WWOX: variants seen among roughly 807,000 people sequenced by gnomAD.
WWOX encodes WW domain containing oxidoreductase, also known as WW domain-containing oxidoreductase.
WWOX carries 69 observed loss-of-function variants against 46.2 expected under a neutral mutation model. The ratio of observed to expected loss-of-function variants is 1.49; its 90% CI spans 1.23 to 1.82. The LOEUF is 1.82. WWOX is among the 40% of genes most tolerant of loss of function. The pLI, the probability that WWOX is intolerant of heterozygous loss-of-function variation, is 0.00. For synonymous variants in WWOX, 359 were observed against 202.6 expected (o/e 1.77, Z -6.56); for missense variants, 919 against 542.6 (o/e 1.69, Z -6.89).
chr16:78,844,220 T>C (rs552872434), intron 8 of WWOX, among the ~76,000 whole-genome samples: 9 of 152,296 alleles, frequency 5.9e-5, no homozygotes, highest in African/African-American at 2.2e-4. Flanking sequence ...AGAGTTTAGT[T>C]GTGCTATTCT....
Position 78,874,409 on chromosome 16 carries a change from A to C in WWOX, c.1057-337199A>C, listed in dbSNP as rs555655952. On this transcript the variant is annotated intron_variant, in intron 8 of 8. Coordinates refer to ENST00000566780, the MANE Select transcript of WWOX (RefSeq NM_016373.4). ...GCAGACGCAGTTGCTAAAGCTGTCA[A>C]GTCCCGCTCCCTTGGAATGCAGTCC... Among the ~76,000 whole-genome samples the C allele has an allele frequency of 5.9e-5, 9 of 152,292 alleles. No individual in the cohort carries two copies. The East Asian group carries it at 1.5e-3, about 26-fold the overall frequency.
chr16:78,985,256 GT>G (rs2151338605), intron 8 of WWOX, among the ~76,000 whole-genome samples: 1 of 152,328 alleles, frequency 6.6e-6, no homozygotes, highest in African/African-American at 2.4e-5. Flanking sequence ...CACAAACGCT[GT>G]CTTCTGTCAC....
chr16:79,153,631 G>C (rs531547809), intron 8 of WWOX, among the ~76,000 whole-genome samples: 1 of 152,106 alleles, frequency 6.6e-6, no homozygotes, highest in African/African-American at 2.4e-5. Context: ...AGATTTTGTG[G>C]TCACCATATT....
intron 8 of WWOX, chr16:79,196,280 C>T (rs952942588): frequency 1.3e-5 from 2 of 152,194 alleles, no homozygotes; most frequent in Admixed American, 1.3e-4. Context: ...ATACAAATTA[C>T]TTGTCATAAC....
At chr16:78,953,780 C>G (rs1158508783) in intron 8 of WWOX, among the ~76,000 whole-genome samples, 4 of 152,232 alleles carry the variant, frequency 2.6e-5, no homozygotes, top group African/African-American at 7.2e-5. Flanking sequence ...GACGTTCTGT[C>G]TCAGCTCAGA....
chr16:78,509,455 T>TATA (rs745943074), intron 8 of WWOX, among the ~76,000 whole-genome samples: 9 of 149,978 alleles, frequency 6.0e-5, no homozygotes, highest in East Asian at 3.9e-4. Flanking sequence ...AAAAAAATAA[T>TATA]ATAATAATAA....
At position 78,684,404 on chromosome 16, in the gene WWOX, G is replaced by A. The variant is rs530394583; in HGVS notation, c.1056+251652G>A. ...GGAGTGCCAGTGGGTAGGGATGACT[G>A]GTTTTGCAGTTTAGGGCCAAGTGAG... On this transcript the variant is annotated intron_variant, in intron 8 of 8. Coordinates refer to ENST00000566780, the MANE Select transcript of WWOX (RefSeq NM_016373.4). Among the ~76,000 whole-genome samples, 4 of 152,294 alleles carry A rather than the reference G, an allele frequency of 2.6e-5. No individual in the cohort carries two copies. The South Asian group carries it at 6.2e-4, about 24-fold the overall frequency.
chr16:78,527,231 A>T (rs753708971), intron 8 of WWOX, among the ~76,000 whole-genome samples: 4 of 152,094 alleles, frequency 2.6e-5, no homozygotes, highest in Non-Finnish European at 4.4e-5. Flanking sequence ...CTTTGAATCA[A>T]TTCTTCTAAG....
At chr16:78,639,838 T>C (rs928743112) in intron 8 of WWOX, among the ~76,000 whole-genome samples, 1 of 152,138 alleles carries the variant, frequency 6.6e-6, no homozygotes, top group Non-Finnish European at 1.5e-5. Flanking sequence ...AGTGTTGGGA[T>C]CACAGGTGTG....
At chr16:78,409,744 C>G (rs1371177189) in intron 6 of WWOX, among the ~76,000 whole-genome samples, 1 of 152,152 alleles carries the variant, frequency 6.6e-6, no homozygotes, top group Admixed American at 6.5e-5. Flanking sequence ...TCTAGAGACT[C>G]CAGGGAGAAT....
At chr16:78,152,004 C>G (rs953839781) in intron 4 of WWOX, among the ~76,000 whole-genome samples, 1 of 152,122 alleles carries the variant, frequency 6.6e-6, no homozygotes, top group Non-Finnish European at 1.5e-5. Context: ...TCCTGGCTAA[C>G]ACGGTGAAAC....
At chr16:78,396,816 T>C (rs572645322) in intron 6 of WWOX, among the ~76,000 whole-genome samples, 1 of 152,188 alleles carries the variant, frequency 6.6e-6, no homozygotes, top group South Asian at 2.1e-4. Flanking sequence ...TATTGTAATA[T>C]AAAAGTAGCC....
intron 8 of WWOX, among the ~76,000 whole-genome samples, chr16:78,573,994 C>T (rs2044783673): frequency 6.6e-6 from 1 of 152,194 alleles, no homozygotes; most frequent in East Asian, 1.9e-4. Context: ...AATTTGGTAG[C>T]TTGACTGGGG....
chr16:78,910,145 A>G (rs1400893082), intron 8 of WWOX, among the ~76,000 whole-genome samples: 1 of 149,228 alleles, frequency 6.7e-6, no homozygotes, highest in Non-Finnish European at 1.5e-5. Context: ...CCTTCTGGGG[A>G]TGATGCTTTT....
intron 4 of WWOX, among the ~76,000 whole-genome samples, chr16:78,151,962 G>C (rs1313463139): frequency 6.6e-6 from 1 of 152,098 alleles, no homozygotes; most frequent in Admixed American, 6.5e-5. Context: ...AGGCCGAGGC[G>C]GGCAGATCAC....
At chr16:78,503,448 TAA>T (rs11333636) in intron 8 of WWOX, among the ~76,000 whole-genome samples, 3 of 149,280 alleles carry the variant, frequency 2.0e-5, no homozygotes, top group East Asian at 2.0e-4. Context: ...TTCCTTATTG[TAA>T]AAAAAAAAAA....
At chr16:78,535,820 T>G (rs917586058) in intron 8 of WWOX, among the ~76,000 whole-genome samples, 3 of 152,086 alleles carry the variant, frequency 2.0e-5, no homozygotes, top group Admixed American at 6.5e-5. Flanking sequence ...TTGGAGGGAA[T>G]CCATCTCCAG....
chr16:78,718,547 A>G (rs1456882617), intron 8 of WWOX, among the ~76,000 whole-genome samples: 2 of 152,072 alleles, frequency 1.3e-5, no homozygotes, highest in Non-Finnish European at 2.9e-5. Context: ...CTTTTAGAAA[A>G]TTAATACACT....
At chr16:78,928,263 C>T (rs1415978731) in intron 8 of WWOX, among the ~76,000 whole-genome samples, 18 of 145,630 alleles carry the variant, frequency 1.2e-4, no homozygotes, top group African/African-American at 3.9e-4. Flanking sequence ...AGTGCAGTGG[C>T]GCGATCTCGG....
Sources: allele counts gnomAD v4.1 joint callset (sites outside exome capture counted in the v4.1 genomes callset), GRCh38; gene constraint gnomAD v4.1.1; transcripts MANE v1.5; gene names NCBI Gene and HGNC (gene_info 2026-07-23, HGNC 2026-07-21).